The following GRIP2 variants were observed in gnomAD, a reference collection of about 807,000 sequenced individuals.
GRIP2 encodes the protein glutamate receptor interacting protein 2.
A neutral mutation model predicts 108.3 loss-of-function variants in GRIP2; 58 were observed. That is an observed-to-expected ratio of 0.54 (90% CI 0.43 to 0.67). The LOEUF (loss-of-function observed/expected upper bound fraction) is 0.67, where lower values mean the gene tolerates loss of function less well. Among genes scored for constraint, GRIP2 ranks in the 30% least tolerant of loss-of-function variants. The pLI is 0.00. For missense variants in GRIP2, 1,278 were observed against 1,430.6 expected (o/e 0.89, Z 1.72); for synonymous variants, 586 against 598.2 (o/e 0.98, Z 0.30).
chr3:14,545,871 G>C (rs528166575), upstream of GRIP2, among the ~76,000 whole-genome samples: 6 of 152,326 alleles, frequency 3.9e-5, no homozygotes, highest in East Asian at 1.2e-3. Context: ...TGGGCCAGAC[G>C]TTTCAGCAGT....
At chr3:14,561,858 T>G in the GRIP2 span, among the ~76,000 whole-genome samples, 1 of 152,184 alleles carries the variant, frequency 6.6e-6, no homozygotes, top group Non-Finnish European at 1.5e-5. Context: ...TGACCGTTTA[T>G]CCAGGCTGGG....
chr3:14,520,019 T>C, intron 9 of GRIP2, 91 bp downstream of exon 9: 9 of 1,257,316 alleles, frequency 7.2e-6, no homozygotes, highest in Non-Finnish European at 9.8e-6. Flanking sequence ...TTTAGCCTGC[T>C]CCTCCCAGCC....
upstream of GRIP2, among the ~76,000 whole-genome samples, chr3:14,545,131 G>A (rs1431535024): frequency 3.9e-5 from 6 of 152,222 alleles, no homozygotes; most frequent in Non-Finnish European, 7.3e-5. Context: ...CCCAGGAGAG[G>A]GGGTGTCCAG....
chr3:14,523,232 C>A, intron 5 of GRIP2, 157 bp from the exon 6 acceptor site: 1 of 624,434 alleles, frequency 1.6e-6, no homozygotes, highest in Non-Finnish European at 2.9e-6. Context: ...ACAATAAATT[C>A]GCCCTCCCAA....
chr3:14,556,988 G>T (rs951534152), upstream of GRIP2, among the ~76,000 whole-genome samples: 1 of 152,198 alleles, frequency 6.6e-6, no homozygotes, highest in Non-Finnish European at 1.5e-5. Context: ...GATGAATCAG[G>T]CTACAGACCA....
the GRIP2 span, among the ~76,000 whole-genome samples, chr3:14,568,140 G>A: frequency 1.3e-5 from 2 of 152,206 alleles, no homozygotes; most frequent in African/African-American, 4.8e-5. Context: ...GTCTTCCTCA[G>A]AGGGAGGTGG....
the GRIP2 span, among the ~76,000 whole-genome samples, chr3:14,600,591 G>A: frequency 6.6e-6 from 1 of 152,158 alleles, no homozygotes; most frequent in African/African-American, 2.4e-5. Flanking sequence ...AGAGATGCCA[G>A]GTGGATGGCC....
chr3:14,557,205 G>T (rs373111542), upstream of GRIP2, among the ~76,000 whole-genome samples: 9 of 152,200 alleles, frequency 5.9e-5, no homozygotes, highest in East Asian at 1.5e-3. Flanking sequence ...GGATTCCTAG[G>T]ACGGATGGAA....
At chr3:14,501,149 T>C (rs1178062814) in intron 21 of GRIP2, among the ~76,000 whole-genome samples, 1 of 152,156 alleles carries the variant, frequency 6.6e-6, no homozygotes, top group East Asian at 1.9e-4. Context: ...TTTTATGAAA[T>C]ATCCAGAATA....
the GRIP2 span, chr3:14,574,011 A>G: frequency 7.5e-7 from 1 of 1,332,680 alleles, no homozygotes; most frequent in Non-Finnish European, 1.1e-6. Flanking sequence ...ACCCAGGTGG[A>G]TGAGGGCCTC....
intron 1 of GRIP2, among the ~76,000 whole-genome samples, chr3:14,547,373 G>C (rs2124973262): frequency 6.6e-6 from 1 of 152,312 alleles, no homozygotes; most frequent in Admixed American, 6.5e-5. Context: ...GAAGGAATTT[G>C]GGGTGGGGAT....
chr3:14,510,030 C>A, intron 16 of GRIP2, 66 bp from the exon 17 acceptor site: 1 of 1,307,712 alleles, frequency 7.6e-7, no homozygotes, highest in South Asian at 2.3e-5. Context: ...AAAGCCTTGG[C>A]CTCACTCACT....
chr3:14,527,190 C>T (rs898097784), intron 1 of GRIP2, among the ~76,000 whole-genome samples: 1 of 151,604 alleles, frequency 6.6e-6, no homozygotes, highest in African/African-American at 2.4e-5. Context: ...CTCACTCTGT[C>T]TCGAAAAGAG....
At chr3:14,529,983 T>C (rs1422103934) in intron 1 of GRIP2, among the ~76,000 whole-genome samples, 1 of 152,192 alleles carries the variant, frequency 6.6e-6, no homozygotes, top group Non-Finnish European at 1.5e-5. Context: ...TTAGAATTTA[T>C]AATACCTCCA....
rs577439436 is a variant in GRIP2 at position 14,512,198 on chromosome 3, C to T, written c.1720+579G>A. On this transcript the variant is annotated intron_variant, in intron 14 of 23. Transcript: ENST00000621039. This position sits in a 1 kb window ranked among gnomAD's most constrained non-coding sequence, Gnocchi z 5.1. Reference sequence around the variant, plus strand: ...CAGGGAGCAGCCAGGCTGACTGCGGCTGGAGGGCTTGAGTTGGGGAGAGTC... The same window carrying T: ...CAGGGAGCAGCCAGGCTGACTGCGGTTGGAGGGCTTGAGTTGGGGAGAGTC... 1.9e-3 allele frequency among the ~76,000 whole-genome samples: 283 copies of T among 152,190 alleles called. No individual in the cohort carries two copies. Among genetic ancestry groups the T allele is most frequent in the African/African-American group, 6.4e-3 (265 of 41,500 alleles).
chr3:14,544,450 G>C (rs772810946), upstream of GRIP2, among the ~76,000 whole-genome samples: 2 of 152,146 alleles, frequency 1.3e-5, no homozygotes, highest in Non-Finnish European at 2.9e-5. Context: ...GGCCTTGTCG[G>C]GGGTGCCCCA....
intron 20 of GRIP2, among the ~76,000 whole-genome samples, chr3:14,504,510 C>T (rs1693863489): frequency 6.6e-6 from 1 of 152,046 alleles, no homozygotes; most frequent in Admixed American, 6.5e-5. Context: ...ACGGGTTCCA[C>T]CGTGTCAGCC....
rs565987818 is a variant in GRIP2 at position 14,514,400 on chromosome 3, T to A, written c.1385A>T (p.Asp462Val). ...CTGGAGGCCAAAGCCGCTGAGGGGG[T>A]CTCCACAGAGCACGACCTCCGTGGT... Reference protein sequence around the residue: ...TETTEVVLCGDPLSGFGLQLQ... With the variant: ...TETTEVVLCGVPLSGFGLQLQ... Residue 462 changes from aspartate to valine, a missense_variant, in exon 12 of 24, where the codon GAC becomes GTC. By Grantham distance (152) the Asp-to-Val change is radical. Coordinates refer to ENST00000621039, the MANE Select transcript of GRIP2 (RefSeq NM_001080423.4). 2 of 1,572,996 alleles carry A rather than the reference T, an allele frequency of 1.3e-6. No individual in the cohort carries two copies. The highest frequency in any genetic ancestry group is 1.4e-5 in the African/African-American group (1 of 73,576).
chr3:14,543,356 G>A (rs1028604990), upstream of GRIP2, among the ~76,000 whole-genome samples: 1 of 152,234 alleles, frequency 6.6e-6, no homozygotes, highest in Admixed American at 6.5e-5. Flanking sequence ...GTATTAAAGA[G>A]TTTGTCTTTC....
Sources: allele counts gnomAD v4.1 joint callset (sites outside exome capture counted in the v4.1 genomes callset), GRCh38; gene constraint gnomAD v4.1.1; non-coding constraint Gnocchi (gnomAD v3.1); transcripts MANE v1.5; gene names NCBI Gene and HGNC (gene_info 2026-07-23, HGNC 2026-07-21).